FYB1: variants seen among roughly 807,000 people sequenced by gnomAD.
FYB1 encodes FYN-binding protein 1.
FYB1 carries 41 observed loss-of-function variants against 94.1 expected under a neutral mutation model. The ratio of observed to expected loss-of-function variants is 0.44; its 90% CI spans 0.34 to 0.57. The LOEUF is 0.57. FYB1 is among the 20% of genes least tolerant of loss of function. FYB1 has a pLI of 0.02. For missense variants in FYB1, 1,050 were observed against 976.8 expected (o/e 1.07, Z -1.00); for synonymous variants, 367 against 353.2 (o/e 1.04, Z -0.44).
intron 1 of FYB1, among the ~76,000 whole-genome samples, chr5:39,213,660 C>CTG (rs1229910187): frequency 6.6e-6 from 1 of 152,132 alleles, no homozygotes; most frequent in Non-Finnish European, 1.5e-5. Context: ...CATTTAGTCT[C>CTG]TGTGTGTGTG....
chr5:39,242,692 C>G (rs1474652138), intron 1 of FYB1, among the ~76,000 whole-genome samples: 1 of 152,020 alleles, frequency 6.6e-6, no homozygotes, highest in Non-Finnish European at 1.5e-5. Context: ...ATTTCCAGTT[C>G]TAGATCCCCG....
At chr5:39,138,789 A>AT (rs1239028395) in intron 5 of FYB1, 98 bp from the exon 6 acceptor site, 1 of 748,590 alleles carries the variant, frequency 1.3e-6, no homozygotes, top group Non-Finnish European at 2.3e-6. Context: ...AACAATGTAA[A>AT]TTTTTATAAT....
At chr5:39,159,063 C>T (rs577080428) in intron 2 of FYB1, among the ~76,000 whole-genome samples, 59 of 152,272 alleles carry the variant, frequency 3.9e-4, no homozygotes, top group African/African-American at 1.4e-3. Context: ...TAAGCTAATA[C>T]ATGTGAAAGC....
At chr5:39,254,916 G>C (rs1341134929) in intron 1 of FYB1, among the ~76,000 whole-genome samples, 2 of 152,118 alleles carry the variant, frequency 1.3e-5, no homozygotes, top group African/African-American at 4.8e-5. Context: ...CTGGCAGAGG[G>C]GAAAGTGAAG....
intron 2 of FYB1, among the ~76,000 whole-genome samples, chr5:39,186,040 T>A (rs1262938567): frequency 6.6e-6 from 1 of 152,086 alleles, no homozygotes; most frequent in African/African-American, 2.4e-5. Context: ...AAGTGCCCCA[T>A]GTCCGGGCAC....
At chr5:39,247,071 C>CATATATATGTATATAT (rs1491316200) in intron 1 of FYB1, among the ~76,000 whole-genome samples, 1 of 65,606 alleles carries the variant, frequency 1.5e-5, no homozygotes, top group Non-Finnish European at 3.0e-5. Flanking sequence ...AATGCGTGTT[C>CATATATATGTATATAT]ATATATATAT....
At chr5:39,234,852 G>T (rs1323824774) in intron 1 of FYB1, among the ~76,000 whole-genome samples, 1 of 151,940 alleles carries the variant, frequency 6.6e-6, no homozygotes, top group African/African-American at 2.4e-5. Flanking sequence ...AGAACACATG[G>T]ACACAGGGAG....
intron 16 of FYB1, among the ~76,000 whole-genome samples, chr5:39,117,265 TACCATA>T (rs1739661544): frequency 6.6e-6 from 1 of 152,210 alleles, no homozygotes; most frequent in Non-Finnish European, 1.5e-5. Context: ...TTACTTTTTC[TACCATA>T]TGTCATGAGA....
intron 7 of FYB1, 109 bp from the exon 8 acceptor site, chr5:39,135,123 C>A (rs1263729527): frequency 4.2e-6 from 5 of 1,194,782 alleles, no homozygotes; most frequent in Non-Finnish European, 5.9e-6. Flanking sequence ...CTACCTATAA[C>A]CAACATTTAC....
chr5:39,224,228 T>C (rs566007937), upstream of FYB1, among the ~76,000 whole-genome samples: 2 of 152,280 alleles, frequency 1.3e-5, no homozygotes, highest in African/African-American at 4.8e-5. Context: ...GATAAAAGCC[T>C]CCAGTGACTT....
At chr5:39,127,952 T>C in intron 10 of FYB1, 145 bp from the exon 11 acceptor site, 2 of 774,318 alleles carry the variant, frequency 2.6e-6, no homozygotes, top group Non-Finnish European at 1.9e-6. Context: ...AAACACTTTG[T>C]TGATTATTTT....
chr5:39,107,443 C>A lies in FYB1; in HGVS notation c.2490G>T (p.Ter830TyrextTer20). The A allele has an allele frequency of 6.5e-7, 1 of 1,528,226 alleles. No individual in the cohort carries two copies. Among genetic ancestry groups the A allele is most frequent in the African/African-American group, 1.4e-5 (1 of 72,400 alleles). The allele number at this position is 1,528,226 out of a possible 1,614,324, so 94.7% of individuals were successfully genotyped here. A position where few individuals can be genotyped will look rare whatever the true frequency, so the allele number is the denominator to read the frequency against. ...ACAGCAGAATGACCAAAGTTGAGTGCTAGTCATTGTCATAGATGCAGCCTG... is the reference window on the plus strand; with the variant it reads ...ACAGCAGAATGACCAAAGTTGAGTGATAGTCATTGTCATAGATGCAGCCTG... ...IADGCIYDND[*>Y] Residue 830 changes from the stop codon to tyrosine (Y), a stop_lost, in exon 19 of 19, where the codon TAG (stop) becomes TAT (tyrosine). Coordinates refer to ENST00000512982, the MANE Select transcript of FYB1 (RefSeq NM_001465.6).
intron 3 of FYB1, among the ~76,000 whole-genome samples, chr5:39,142,426 C>G (rs1383612583): frequency 1.3e-5 from 2 of 152,160 alleles, no homozygotes; most frequent in Non-Finnish European, 2.9e-5. Flanking sequence ...TACCTTCTCT[C>G]TACTCTCTGC....
At position 39,232,630 on chromosome 5, in the gene FYB1, A is replaced by T. The variant is rs190831822; in HGVS notation, c.-27-29643T>A. Among the ~76,000 whole-genome samples the T allele has an allele frequency of 1.8e-3, 276 of 151,718 alleles. 3 individuals are homozygous for T. In the East Asian group the frequency reaches 0.037, roughly 21 times the overall value. ...TGTGCACATTGTGCAGGTTAGTTAC[A>T]TATGTATACATGTGCCATGCTGGTG... On this transcript the variant is annotated intron_variant, in intron 1 of 1. Coordinates refer to the FYB1 transcript ENST00000510188.
chr5:39,108,350 T>A, intron 17 of FYB1, 88 bp from the exon 18 acceptor site: 1 of 1,188,398 alleles, frequency 8.4e-7, no homozygotes, highest in African/African-American at 1.6e-5. Context: ...AACAGTATAA[T>A]TTTATAAGAC....
chr5:39,113,776 A>T (rs1380302108), intron 16 of FYB1, among the ~76,000 whole-genome samples: 1 of 152,178 alleles, frequency 6.6e-6, no homozygotes, highest in Non-Finnish European at 1.5e-5. Flanking sequence ...GTTTAAAAAC[A>T]AGAAAATCAT....
intron 7 of FYB1, 119 bp from the exon 8 acceptor site, chr5:39,135,133 C>T (rs935844976): frequency 9.2e-7 from 1 of 1,090,404 alleles, no homozygotes; most frequent in African/African-American, 1.6e-5. Context: ...CCAACATTTA[C>T]AGGGTTTAAC....
chr5:39,172,662 A>G (rs1257474874), intron 2 of FYB1, among the ~76,000 whole-genome samples: 2 of 151,964 alleles, frequency 1.3e-5, no homozygotes, highest in Non-Finnish European at 2.9e-5. Flanking sequence ...ATGTGTATTC[A>G]GTGTTTAGCT....
At chr5:39,237,210 C>A (rs1156673583) in intron 1 of FYB1, among the ~76,000 whole-genome samples, 2 of 151,938 alleles carry the variant, frequency 1.3e-5, no homozygotes, top group Non-Finnish European at 2.9e-5. Flanking sequence ...GGTAGATTAG[C>A]CAGAGGCACC....
Sources: allele counts gnomAD v4.1 joint callset (sites outside exome capture counted in the v4.1 genomes callset), GRCh38; gene constraint gnomAD v4.1.1; transcripts MANE v1.5; gene names NCBI Gene and HGNC (gene_info 2026-07-23, HGNC 2026-07-21).